Variants in YTHDC2 observed in about 807,000 individuals in gnomAD.
YTHDC2 encodes 3'-5' RNA helicase YTHDC2.
Under a neutral mutation model 174.9 loss-of-function variants are expected in YTHDC2, and 45 were observed. The ratio of observed to expected loss-of-function variants is 0.26; its 90% CI spans 0.20 to 0.33. The LOEUF is 0.33. Among genes scored for constraint, YTHDC2 ranks in the 10% least tolerant of loss-of-function variants. The pLI, the probability that YTHDC2 is intolerant of heterozygous loss-of-function variation, is 1.00. For synonymous variants in YTHDC2, 657 were observed against 574.5 expected (o/e 1.14, Z -2.05); for missense variants, 1,650 against 1,723.7 (o/e 0.96, Z 0.76).
rs754927047 is a variant in YTHDC2 at position 113,534,298 on chromosome 5, T to G, written c.843-7T>G. On this transcript the variant is annotated splice_polypyrimidine_tract_variant and splice_region_variant and intron_variant, in intron 5 of 29. Transcript: ENST00000161863. ...TTGTGCACTTTGTTTTGCTTTTTTT[T>G]TAAAAGGGTTTCTCCAAAGACACTT... is the stretch of plus-strand genomic sequence containing the variant. The G allele has an allele frequency of 6.2e-7, 1 of 1,607,436 alleles. No individual in the cohort carries two copies. Among genetic ancestry groups the G allele is most frequent in the African/African-American group, 1.3e-5 (1 of 74,734 alleles).
At position 113,562,050 on chromosome 5, in the gene YTHDC2, A is replaced by G. The variant is rs1414050845; in HGVS notation, c.2322+865A>G. Among the ~76,000 whole-genome samples, 7 of 149,094 alleles carry G rather than the reference A, an allele frequency of 4.7e-5. No individual in the cohort carries two copies. The Admixed American group carries it at 4.7e-4, about 10-fold the overall frequency. On this transcript the variant is annotated intron_variant, in intron 18 of 29. Transcript: ENST00000161863. The stretch of plus-strand genomic sequence containing the variant: ...AGCCAGACCCTATAGCTTCTAGGGA[A>G]GATTAGCAGAATGCGTTTATTTGAT...
intron 13 of YTHDC2, 30 bp downstream of exon 13, chr5:113,553,389 G>A (rs753400127): frequency 1.5e-5 from 24 of 1,565,576 alleles, no homozygotes; most frequent in Admixed American, 4.1e-5. Flanking sequence ...AAGAACTGGA[G>A]CAAAATATAT....
intron 18 of YTHDC2, among the ~76,000 whole-genome samples, chr5:113,562,706 A>G (rs185263234): frequency 1.3e-5 from 2 of 152,218 alleles, no homozygotes; most frequent in East Asian, 1.9e-4. Flanking sequence ...TATTCCTTAT[A>G]TAGTTACTCC....
At chr5:113,514,139 C>G in intron 1 of YTHDC2, 57 bp downstream of exon 1, 1 of 1,554,176 alleles carries the variant, frequency 6.4e-7, no homozygotes. Context: ...CACCCCAGCG[C>G]CCCCCAAACG....
At chr5:113,575,444 CCTA>C (rs1777980018) in intron 23 of YTHDC2, among the ~76,000 whole-genome samples, 1 of 152,102 alleles carries the variant, frequency 6.6e-6, no homozygotes, top group South Asian at 2.1e-4. Context: ...TTAGGGGTGA[CCTA>C]CTTGAAAGAA....
intron 27 of YTHDC2, among the ~76,000 whole-genome samples, chr5:113,591,515 A>T (rs1335649295): frequency 6.6e-6 from 1 of 152,184 alleles, no homozygotes; most frequent in African/African-American, 2.4e-5. Context: ...GATTCAAAGT[A>T]ATGAGAAGCT....
intron 23 of YTHDC2, among the ~76,000 whole-genome samples, chr5:113,576,124 T>C (rs1425117161): frequency 6.6e-6 from 1 of 152,084 alleles, no homozygotes; most frequent in African/African-American, 2.4e-5. Flanking sequence ...AGGAAGCAGT[T>C]GGATATGCAT....
intron 2 of YTHDC2, among the ~76,000 whole-genome samples, chr5:113,516,265 G>A (rs1041920080): frequency 1.3e-5 from 2 of 152,138 alleles, no homozygotes; most frequent in East Asian, 1.9e-4. Flanking sequence ...AAGCTTTAGA[G>A]CATATGTTCA....
At chr5:113,584,243 T>G in intron 25 of YTHDC2, 59 bp from the exon 26 acceptor site, 2 of 1,447,502 alleles carry the variant, frequency 1.4e-6, no homozygotes, top group Non-Finnish European at 1.9e-6. Flanking sequence ...TATACATAAC[T>G]GATCTTTGTA....
Position 113,542,523 on chromosome 5 carries a change from A to G in YTHDC2, c.1495+20A>G. 6.3e-7 allele frequency: 1 copy of G among 1,584,110 alleles called. No individual in the cohort carries two copies. Among genetic ancestry groups the G allele is most frequent in the Non-Finnish European group, 8.6e-7 (1 of 1,167,030 alleles). On this transcript the variant is annotated intron_variant, in intron 10 of 29. Transcript: ENST00000161863. ...TTAGTGGTAAGTTTATTTTAATTTT[A>G]AAAAATTACCCTTACAGTTATTTAT...
chr5:113,521,522 G>C (rs1405561376), intron 2 of YTHDC2, among the ~76,000 whole-genome samples: 3 of 152,080 alleles, frequency 2.0e-5, no homozygotes, highest in African/African-American at 7.2e-5. Flanking sequence ...CCTGAGGTCA[G>C]GAGTTCCAGA....
chr5:113,527,853 A>G (rs75711984), intron 4 of YTHDC2, among the ~76,000 whole-genome samples: 1 of 151,962 alleles, frequency 6.6e-6, no homozygotes, highest in Non-Finnish European at 1.5e-5. Context: ...CAGTGGTGCT[A>G]TCTCGGCTTA....
At chr5:113,565,867 G>C in intron 20 of YTHDC2, 26 bp from the exon 21 acceptor site, 1 of 1,605,812 alleles carries the variant, frequency 6.2e-7, no homozygotes, top group East Asian at 2.2e-5. Context: ...AATGTGTCTT[G>C]TTATGCAATT....
intron 2 of YTHDC2, among the ~76,000 whole-genome samples, chr5:113,520,738 C>G (rs2112530761): frequency 6.6e-6 from 1 of 152,202 alleles, no homozygotes; most frequent in Admixed American, 6.5e-5. Flanking sequence ...CAGAGCATGC[C>G]TCCATTTGTG....
intron 18 of YTHDC2, among the ~76,000 whole-genome samples, chr5:113,562,347 A>C (rs1331268170): frequency 6.7e-6 from 1 of 149,420 alleles, no homozygotes; most frequent in African/African-American, 2.5e-5. Flanking sequence ...AGGGAAGATT[A>C]GCAGAATGCA....
At chr5:113,579,072 C>T (rs1778237739) in intron 23 of YTHDC2, among the ~76,000 whole-genome samples, 2 of 151,828 alleles carry the variant, frequency 1.3e-5, no homozygotes, top group South Asian at 4.1e-4. Context: ...TTTCAAAGAA[C>T]TGGGTTATAG....
At position 113,541,133 on chromosome 5, in the gene YTHDC2, T is replaced by G; in HGVS notation, c.1359+17T>G. The G allele has an allele frequency of 6.2e-7, 1 of 1,613,910 alleles. No individual in the cohort carries two copies. Among genetic ancestry groups the G allele is most frequent in the Non-Finnish European group, 8.5e-7 (1 of 1,179,896 alleles). On this transcript the variant is annotated intron_variant, in intron 9 of 29. Transcript: ENST00000161863. Reference sequence around the variant, plus strand: ...AGTCAGCTGGTATGACCTCCCTGGTTTCCCACTCATATTTTGTGTGAAAAT... The same window carrying G: ...AGTCAGCTGGTATGACCTCCCTGGTGTCCCACTCATATTTTGTGTGAAAAT...
rs140948554 is a variant in YTHDC2 at position 113,573,174 on chromosome 5, T to C, written c.3244+5325T>C. On this transcript the variant is annotated intron_variant, in intron 23 of 29. Coordinates refer to ENST00000161863, the MANE Select transcript of YTHDC2 (RefSeq NM_022828.5). ...GCAAGGCAGGCCTGGTGGTGACATA[T>C]TCCCTCAGCATTTGCTTGTCTGAAA... 9.9e-3 allele frequency among the ~76,000 whole-genome samples: 1,508 copies of C among 152,274 alleles called. 10 individuals carry two copies. Among genetic ancestry groups the C allele is most frequent in the Non-Finnish European group, 0.017 (1,133 of 68,004 alleles).
Position 113,513,708 on chromosome 5 carries a change from C to G in YTHDC2, c.-188C>G, listed in dbSNP as rs915700136. 2 of 651,972 alleles carry G rather than the reference C, an allele frequency of 3.1e-6. No individual in the cohort carries two copies. Among genetic ancestry groups the G allele is most frequent in the East Asian group, 3.3e-5 (1 of 30,052 alleles). The allele number at this position is 651,972 out of a possible 1,614,324, so 40.4% of individuals were successfully genotyped here. ...ATTACGCCCGCGCTCCTCGCCTGGC[C>G]GTGATATCAATGGCGCAGGCTTCAC... On this transcript the variant is annotated 5_prime_UTR_variant, in exon 1 of 30. Transcript: ENST00000161863.
Sources: gnomAD v4.1 joint callset for allele counts (sites outside exome capture counted in the v4.1 genomes callset) on GRCh38, gnomAD v4.1.1 for gene constraint, MANE v1.5 for transcripts, NCBI Gene and HGNC (gene_info 2026-07-23, HGNC 2026-07-21) for gene names.